The following PDE9A variants were observed in gnomAD, a reference collection of about 807,000 sequenced individuals.
The protein encoded by PDE9A is high affinity cGMP-specific 3',5'-cyclic phosphodiesterase 9A.
Under a neutral mutation model 87.4 loss-of-function variants are expected in PDE9A, and 60 were observed. The observed-to-expected ratio is 0.69, with a 90% confidence interval of 0.56 to 0.85. The LOEUF is 0.85. PDE9A is among the 40% of genes least tolerant of loss of function. The pLI is 0.00. For missense variants in PDE9A, 665 were observed against 779.0 expected, an observed-to-expected ratio of 0.85 and a Z score of 1.74; for synonymous variants, 272 against 279.4, an observed-to-expected ratio of 0.97 and a Z score of 0.27.
chr21:42,657,358 T>C (rs2057157815), intron 1 of PDE9A, among the ~76,000 whole-genome samples: 1 of 152,118 alleles, frequency 6.6e-6, no homozygotes, highest in African/African-American at 2.4e-5. Flanking sequence ...GACCCTCAGG[T>C]GGGCTGTTAA....
In PDE9A at chr21:42,740,236, G is replaced by A. The variant is rs552194694; in HGVS notation, c.569-3540G>A. 3.9e-5 allele frequency among the ~76,000 whole-genome samples: 6 copies of A among 152,220 alleles called. No individual in the cohort carries two copies. In the South Asian group the frequency reaches 8.3e-4, roughly 21 times the overall value. ...AGGCAGGAGGATTGCTTTAGCCCAG[G>A]AGTTCAAGACCATCCTGGGCAACAT... On this transcript the variant is annotated intron_variant, in intron 7 of 19. Coordinates refer to ENST00000291539, the MANE Select transcript of PDE9A (RefSeq NM_002606.3).
intron 4 of PDE9A, among the ~76,000 whole-genome samples, chr21:42,703,407 A>G (rs2048541484): frequency 1.3e-5 from 2 of 152,356 alleles, no homozygotes; most frequent in African/African-American, 4.8e-5. Flanking sequence ...CGCTGGTGAC[A>G]GGACACCATC....
intron 10 of PDE9A, chr21:42,757,081 A>T (rs2055149516): frequency 6.6e-6 from 1 of 152,322 alleles, no homozygotes; most frequent in South Asian, 2.1e-4. Flanking sequence ...AGCTCTGGGC[A>T]GCGAGGCCCC....
chr21:42,760,597 C>T lies in PDE9A; in HGVS notation c.1002+165C>T, dbSNP rs991590932. 2.4e-4 allele frequency among the ~76,000 whole-genome samples: 36 copies of T among 151,964 alleles called. No individual in the cohort carries two copies. Among genetic ancestry groups the T allele is most frequent in the African/African-American group, 7.0e-4 (29 of 41,370 alleles). On this transcript the variant is annotated intron_variant, in intron 12 of 19. Coordinates refer to ENST00000291539, the MANE Select transcript of PDE9A (RefSeq NM_002606.3). The surrounding 1 kb of genome is among the most constrained non-coding windows in gnomAD (Gnocchi z 5.2). ...ACCCCTGCCCACCGTTGTCAGTCAC[C>T]CCATGGGCGAGGCTGCTCCTAGGAT...
At chr21:42,762,047 G>A (rs766470473) in intron 13 of PDE9A, 36 bp from the exon 14 acceptor site, 20 of 1,596,552 alleles carry the variant, frequency 1.3e-5, no homozygotes, top group African/African-American at 6.7e-5. Context: ...TGGTGAGGGC[G>A]CCTGAGTCTC....
At chr21:42,765,054 G>T (rs937617391) in intron 14 of PDE9A, among the ~76,000 whole-genome samples, 1 of 151,640 alleles carries the variant, frequency 6.6e-6, no homozygotes, top group Non-Finnish European at 1.5e-5. Context: ...TGGATGGAAG[G>T]GTGGATGGAT....
chr21:42,724,612 T>C (rs2050853003), intron 4 of PDE9A: 27 of 984,724 alleles, frequency 2.7e-5, no homozygotes, highest in Non-Finnish European at 3.3e-5. Context: ...CCCACTGTGC[T>C]GAGTCACATA....
intron 15 of PDE9A, among the ~76,000 whole-genome samples, chr21:42,766,711 A>G (rs1002783643): frequency 1.3e-5 from 2 of 152,210 alleles, no homozygotes; most frequent in Non-Finnish European, 1.5e-5. Context: ...AAACAGTCAC[A>G]TAGAGCGGCT....
In PDE9A at chr21:42,732,238, C is replaced by T; in HGVS notation, c.497+114C>T. On this transcript the variant is annotated intron_variant, in intron 6 of 19. Coordinates refer to ENST00000291539, the MANE Select transcript of PDE9A (RefSeq NM_002606.3). ...TTGGCCGGCAAGCGTGGCTGTCTCACCTGCCTGGAGGAGCTGCCCGCACGG... is the reference window on the plus strand; with the variant it reads ...TTGGCCGGCAAGCGTGGCTGTCTCATCTGCCTGGAGGAGCTGCCCGCACGG... 2.9e-6 allele frequency: 3 copies of T among 1,022,216 alleles called. No homozygotes were observed. The South Asian group carries it at 4.1e-5, about 14-fold the overall frequency. 63.3% of individuals were successfully genotyped at this position (1,022,216 alleles called of 1,614,324 possible).
chr21:42,761,756 G>A (rs1012451439), intron 13 of PDE9A, among the ~76,000 whole-genome samples: 8 of 152,166 alleles, frequency 5.3e-5, no homozygotes, highest in Admixed American at 2.0e-4. Context: ...CCTCAGCCTC[G>A]TTCTGCCCAC....
intron 13 of PDE9A, among the ~76,000 whole-genome samples, chr21:42,761,125 A>G (rs998814560): frequency 1.3e-5 from 2 of 152,158 alleles, no homozygotes; most frequent in African/African-American, 4.8e-5. Flanking sequence ...ATCAAACCCC[A>G]GGGGCTCTTT....
At chr21:42,698,166 C>T (rs1057131637) in intron 3 of PDE9A, among the ~76,000 whole-genome samples, 1 of 152,228 alleles carries the variant, frequency 6.6e-6, no homozygotes, top group Non-Finnish European at 1.5e-5. Flanking sequence ...TTCTACACTG[C>T]TTTCCCCAAG....
chr21:42,763,378 A>G (rs1361714650), intron 14 of PDE9A, among the ~76,000 whole-genome samples: 3 of 152,006 alleles, frequency 2.0e-5, no homozygotes, highest in African/African-American at 4.8e-5. Context: ...GTGTCCTTGG[A>G]CGAGGAGACA....
chr21:42,731,186 G>A (rs1186757959), intron 4 of PDE9A, among the ~76,000 whole-genome samples: 4 of 152,192 alleles, frequency 2.6e-5, no homozygotes, highest in African/African-American at 7.2e-5. Context: ...TCGAACTCCC[G>A]ACCTCAGGTG....
At chr21:42,684,715 G>C (rs8134359) in intron 1 of PDE9A, among the ~76,000 whole-genome samples, 1 of 152,020 alleles carries the variant, frequency 6.6e-6, no homozygotes, top group African/African-American at 2.4e-5. Context: ...CGTGCGAGCA[G>C]GGCCAGGACC....
chr21:42,673,959 C>T (rs1470894803), intron 1 of PDE9A, among the ~76,000 whole-genome samples: 4 of 152,232 alleles, frequency 2.6e-5, no homozygotes, highest in Admixed American at 6.5e-5. Flanking sequence ...CGTCCTTGAA[C>T]GTGTCGATAT....
intron 7 of PDE9A, chr21:42,741,828 G>C (rs1260410942): frequency 1.3e-5 from 2 of 152,158 alleles, no homozygotes; most frequent in African/African-American, 4.8e-5. Flanking sequence ...ACTAGCCAAA[G>C]GCTCTGAGTT....
chr21:42,750,748 GTAT>G (rs1459694981), intron 8 of PDE9A, among the ~76,000 whole-genome samples: 1 of 151,272 alleles, frequency 6.6e-6, no homozygotes, highest in Non-Finnish European at 1.5e-5. Context: ...GCTAATTTTT[GTAT>G]TATTATTATT....
At chr21:42,768,661 G>A (rs758815749) in intron 16 of PDE9A, 2 of 985,454 alleles carry the variant, frequency 2.0e-6, no homozygotes, top group Non-Finnish European at 2.4e-6. Context: ...AGATGGCCAC[G>A]GGGAAGGTCG....
Sources: allele counts gnomAD v4.1 joint callset (sites outside exome capture counted in the v4.1 genomes callset), GRCh38; gene constraint gnomAD v4.1.1; non-coding constraint Gnocchi (gnomAD v3.1); transcripts MANE v1.5; gene names NCBI Gene and HGNC (gene_info 2026-07-23, HGNC 2026-07-21).